The following COL27A1 variants were observed in gnomAD, a reference collection of about 807,000 sequenced individuals.
COL27A1 encodes collagen type XXVII alpha 1 chain.
In COL27A1, 106 loss-of-function variants were observed where a neutral mutation model predicts 251.3. That is an observed-to-expected ratio of 0.42 (90% CI 0.36 to 0.50). The LOEUF is 0.50. COL27A1 is among the 20% of genes least tolerant of loss of function. The pLI, the probability that COL27A1 is intolerant of heterozygous loss-of-function variation, is 0.00. For missense variants in COL27A1, 2,325 were observed against 2,522.8 expected, an observed-to-expected ratio of 0.92 and a Z score of 1.68; for synonymous variants, 1,000 against 986.3, an observed-to-expected ratio of 1.01 and a Z score of -0.26.
At chr9:114,302,217 C>T in intron 56 of COL27A1, 109 bp downstream of exon 56, 1 of 872,012 alleles carries the variant, frequency 1.1e-6, no homozygotes. Context: ...TAAGCTGGGT[C>T]TAGGGACGCC....
rs563635862 is a variant in COL27A1, at chr9:114,164,847, G to A, written c.133+2062G>A. On this transcript the variant is annotated intron_variant, in intron 2 of 60. Transcript: ENST00000356083. ...GACAGACAGATGGGAGAAAGGATGG[G>A]AAAGAGGAGTTTGAAATGAAATGAA... Among the ~76,000 whole-genome samples, 13 of 152,328 alleles carry A rather than the reference G, an allele frequency of 8.5e-5. No homozygotes were observed. The South Asian group carries it at 2.5e-3, about 29-fold the overall frequency.
At position 114,292,172 on chromosome 9, in the gene COL27A1, C is replaced by T; in HGVS notation, c.4546C>T (p.Pro1516Ser). 1 of 1,559,348 alleles carries T rather than the reference C, an allele frequency of 6.4e-7. No individual in the cohort carries two copies. Reference protein sequence around the residue: ...KRGTEGRTGLPGNQGEPGSKG... With the variant: ...KRGTEGRTGLSGNQGEPGSKG... ...AGGAACAGAGGGCAGAACGGGGCTCCCTGGAAACCAGGGGGAGCCTGGGTC... is the reference window on the plus strand; with the variant it reads ...AGGAACAGAGGGCAGAACGGGGCTCTCTGGAAACCAGGGGGAGCCTGGGTC... The change falls in exon 49 of 61, where the codon CCT becomes TCT. Residue 1516 changes from proline to serine, a missense_variant. Physicochemically the swap from Pro to Ser is moderately conservative, Grantham distance 74. Transcript: ENST00000356083.
intron 41 of COL27A1, among the ~76,000 whole-genome samples, chr9:114,287,688 G>C (rs116029938): frequency 2.6e-5 from 4 of 152,062 alleles, no homozygotes; most frequent in Non-Finnish European, 5.9e-5. Flanking sequence ...CTCCAGTCCC[G>C]CTCTGCACAT....
chr9:114,222,407 G>GTTTGAT, intron 14 of COL27A1, 140 bp downstream of exon 14: 3 of 703,156 alleles, frequency 4.3e-6, no homozygotes, highest in Non-Finnish European at 6.7e-6. Flanking sequence ...GGGGCTGGGG[G>GTTTGAT]GCCAGGAGAG....
At position 114,290,683 on chromosome 9, in the gene COL27A1, G is replaced by T; in HGVS notation, c.4369-127G>T. On this transcript the variant is annotated intron_variant, in intron 47 of 60. Transcript: ENST00000356083. This position sits in a 1 kb window ranked among gnomAD's most constrained non-coding sequence, Gnocchi z 4.6. ...CAGCCACATCACACACAGGCCGTCT[G>T]ACCTCCATCCTGGAGTGTGACCCCT... is the stretch of plus-strand genomic sequence containing the variant. 1.4e-6 allele frequency: 1 copy of T among 695,840 alleles called. No individual in the cohort carries two copies. Among genetic ancestry groups the T allele is most frequent in the South Asian group, 1.9e-5 (1 of 52,736 alleles). 43.1% of individuals were successfully genotyped at this position (695,840 alleles called of 1,614,324 possible).
In COL27A1 at chr9:114,219,716, G is replaced by A. The variant is rs140598369; in HGVS notation, c.2368-75G>A. On this transcript the variant is annotated intron_variant, in intron 12 of 60. Coordinates refer to ENST00000356083, the MANE Select transcript of COL27A1 (RefSeq NM_032888.4). ...GGACATTGTCCTTGTGTCCCCCCTG[G>A]GGGTCTGGATCAAAGCCCACCCTGA... 3.6e-5 allele frequency: 37 copies of A among 1,030,326 alleles called. No homozygotes were observed. In the Middle Eastern group the frequency reaches 8.5e-4, roughly 24 times the overall value. The allele number at this position is 1,030,326 out of a possible 1,614,324, so 63.8% of individuals were successfully genotyped here. A position where few individuals can be genotyped will look rare whatever the true frequency, so the allele number is the denominator to read the frequency against.
intron 7 of COL27A1, among the ~76,000 whole-genome samples, chr9:114,198,286 G>A (rs114227517): frequency 0.019 from 2,866 of 152,328 alleles, 87 homozygotes; most frequent in African/African-American, 0.058. Context: ...GCATCCTTGT[G>A]GGGGTGTGGG....
intron 14 of COL27A1, among the ~76,000 whole-genome samples, chr9:114,222,741 C>T (rs1425071698): frequency 1.3e-5 from 2 of 152,094 alleles, no homozygotes; most frequent in Non-Finnish European, 2.9e-5. Context: ...GACTTTGGAG[C>T]CAGACCACCT....
At chr9:114,302,600 C>T (rs184358995) in intron 56 of COL27A1, among the ~76,000 whole-genome samples, 193 of 151,976 alleles carry the variant, frequency 1.3e-3, no homozygotes, top group African/African-American at 4.5e-3. Flanking sequence ...GTGGGTGGCA[C>T]CTGTAATCCC....
At chr9:114,203,348 C>T (rs1187334154) in intron 7 of COL27A1, among the ~76,000 whole-genome samples, 1 of 152,220 alleles carries the variant, frequency 6.6e-6, no homozygotes, top group Non-Finnish European at 1.5e-5. Flanking sequence ...CTGCGCTTTA[C>T]ACACTTTCTA....
At chr9:114,211,196 G>GT (rs1830337566) in intron 12 of COL27A1, among the ~76,000 whole-genome samples, 170 bp downstream of exon 12, 1 of 152,240 alleles carries the variant, frequency 6.6e-6, no homozygotes, top group Admixed American at 6.5e-5. Flanking sequence ...GGCACACGGC[G>GT]TGACTGGGGC....
intron 3 of COL27A1, among the ~76,000 whole-genome samples, chr9:114,171,927 C>A (rs1433042577): frequency 6.6e-6 from 1 of 152,184 alleles, no homozygotes. Flanking sequence ...AGATAAAGGA[C>A]CCCGCCAAAG....
In COL27A1 at chr9:114,195,939, A is replaced by G. The variant is rs764991838; in HGVS notation, c.2071-20A>G. ...CTGCTCCCGTTTTCCTGCCTCACCCACCTTGTCTGTGTCTTCCAGGGTGAC... is the reference window on the plus strand; with the variant it reads ...CTGCTCCCGTTTTCCTGCCTCACCCGCCTTGTCTGTGTCTTCCAGGGTGAC... On this transcript the variant is annotated intron_variant, in intron 6 of 60. Transcript: ENST00000356083. 5.6e-5 allele frequency: 90 copies of G among 1,605,538 alleles called. No individual in the cohort carries two copies. Among genetic ancestry groups the G allele is most frequent in the Non-Finnish European group, 7.5e-5 (88 of 1,172,398 alleles).
intron 4 of COL27A1, among the ~76,000 whole-genome samples, chr9:114,182,432 T>C (rs970421702): frequency 8.7e-5 from 13 of 150,174 alleles, no homozygotes; most frequent in Middle Eastern, 3.5e-3. Flanking sequence ...CCGGAGGAGA[T>C]GGCACTTTGA....
intron 5 of COL27A1, among the ~76,000 whole-genome samples, chr9:114,185,411 G>A (rs554451251): frequency 4.6e-5 from 7 of 152,232 alleles, no homozygotes; most frequent in African/African-American, 7.2e-5. Context: ...AACAGAGGTG[G>A]CCCCAGAGCA....
At chr9:114,158,589 G>T (rs1848283549) in intron 1 of COL27A1, among the ~76,000 whole-genome samples, 2 of 152,210 alleles carry the variant, frequency 1.3e-5, no homozygotes, top group Non-Finnish European at 2.9e-5. Flanking sequence ...CAGAGACAAG[G>T]CCCACAAGAC....
chr9:114,187,762 A>G (rs1314910911), intron 5 of COL27A1, among the ~76,000 whole-genome samples: 1 of 152,254 alleles, frequency 6.6e-6, no homozygotes, highest in East Asian at 1.9e-4. Flanking sequence ...ATGGCATTTT[A>G]TCAACACTAA....
At chr9:114,275,589 T>G in intron 36 of COL27A1, 72 bp from the exon 37 acceptor site, 1 of 1,006,194 alleles carries the variant, frequency 9.9e-7, no homozygotes. Context: ...GCCCTGAGAT[T>G]TGGGGCCTCT....
intron 37 of COL27A1, 80 bp downstream of exon 37, chr9:114,275,848 A>G (rs1835468129): frequency 2.1e-6 from 2 of 936,724 alleles, no homozygotes; most frequent in Non-Finnish European, 3.1e-6. Context: ...GCTGGGCGGG[A>G]GGGCTTTTGG....
Sources: gnomAD v4.1 joint callset for allele counts (sites outside exome capture counted in the v4.1 genomes callset) on GRCh38, gnomAD v4.1.1 for gene constraint, Gnocchi (gnomAD v3.1) non-coding constraint, MANE v1.5 for transcripts, NCBI Gene and HGNC (gene_info 2026-07-23, HGNC 2026-07-21) for gene names.